CTNNA1: variants seen among roughly 807,000 people sequenced by gnomAD.
CTNNA1 encodes the protein catenin alpha 1.
CTNNA1 carries 37 observed loss-of-function variants against 98.4 expected under a neutral mutation model. That is an observed-to-expected ratio of 0.38 (90% CI 0.29 to 0.49). CTNNA1 has a LOEUF of 0.49. Ranked by LOEUF, CTNNA1 falls within the 20% of genes least tolerant of loss-of-function variation. The pLI is 0.95. For missense variants in CTNNA1, 761 were observed against 1,147.2 expected (o/e 0.66, Z 4.86); for synonymous variants, 404 against 413.2 (o/e 0.98, Z 0.27).
At chr5:138,788,051 T>C (rs771868927) in intron 3 of CTNNA1, among the ~76,000 whole-genome samples, 1 of 152,216 alleles carries the variant, frequency 6.6e-6, no homozygotes, top group African/African-American at 2.4e-5. Flanking sequence ...GGTGTACATA[T>C]GCCTCTTAGA....
intron 12 of CTNNA1, among the ~76,000 whole-genome samples, chr5:138,925,027 G>C (rs1356900014): frequency 6.6e-6 from 1 of 152,208 alleles, no homozygotes; most frequent in Non-Finnish European, 1.5e-5. Flanking sequence ...CTTCAAGTTA[G>C]TCTCACTTCA....
At chr5:138,817,761 C>A (rs927557722) in intron 5 of CTNNA1, among the ~76,000 whole-genome samples, 1 of 152,068 alleles carries the variant, frequency 6.6e-6, no homozygotes, top group Non-Finnish European at 1.5e-5. Context: ...TCTTTAGCTG[C>A]ATGATTTCTG....
chr5:138,806,937 A>G lies in CTNNA1; in HGVS notation c.302-3101A>G, dbSNP rs1311391651. Among the ~76,000 whole-genome samples the G allele has an allele frequency of 3.9e-5, 6 of 151,906 alleles. No homozygotes were observed. The East Asian group carries it at 1.2e-3, about 29-fold the overall frequency. The stretch of plus-strand genomic sequence containing the variant: ...GTTGCATTATTTGTAAGCAAAGGCT[A>G]ATACCACTTACTCTCTAGGTGGGTG... On this transcript the variant is annotated intron_variant, in intron 3 of 17. Transcript: ENST00000302763.
At chr5:138,835,017 C>A (rs1280239041) in intron 7 of CTNNA1, among the ~76,000 whole-genome samples, 2 of 151,796 alleles carry the variant, frequency 1.3e-5, no homozygotes, top group Non-Finnish European at 2.9e-5. Flanking sequence ...TGCAGAGTAC[C>A]TTCTTAAGGG....
intron 9 of CTNNA1, among the ~76,000 whole-genome samples, chr5:138,898,820 C>T (rs890787768): frequency 1.3e-5 from 2 of 152,156 alleles, no homozygotes; most frequent in Non-Finnish European, 2.9e-5. Flanking sequence ...TAGACTTTCT[C>T]AGTTTATCTT....
intron 9 of CTNNA1, among the ~76,000 whole-genome samples, chr5:138,901,356 CTA>C (rs1757991380): frequency 6.6e-6 from 1 of 152,116 alleles, no homozygotes; most frequent in Admixed American, 6.5e-5. Context: ...TGAGGTTTCA[CTA>C]TGTGGCCAGG....
At chr5:138,814,080 C>CCTT (rs1408173682) in intron 5 of CTNNA1, among the ~76,000 whole-genome samples, 1 of 152,034 alleles carries the variant, frequency 6.6e-6, no homozygotes, top group East Asian at 1.9e-4. Flanking sequence ...CTAAGAAGGC[C>CCTT]CTTCTCAGTA....
intron 7 of CTNNA1, among the ~76,000 whole-genome samples, chr5:138,863,223 T>C (rs1764444125): frequency 6.6e-6 from 1 of 151,704 alleles, no homozygotes; most frequent in South Asian, 2.1e-4. Flanking sequence ...GCTTCATCTT[T>C]TTTTATATAT....
intron 1 of CTNNA1, among the ~76,000 whole-genome samples, chr5:138,776,024 C>CCTCTGGAAA (rs891982906): frequency 2.7e-5 from 4 of 147,674 alleles, no homozygotes; most frequent in Non-Finnish European, 5.9e-5. Flanking sequence ...CCATGCCCGG[C>CCTCTGGAAA]CTCTGGAAAT....
chr5:138,855,097 A>G (rs6874181), intron 7 of CTNNA1, among the ~76,000 whole-genome samples: 105,226 of 152,176 alleles, frequency 0.69, 36,533 homozygotes, highest in East Asian at 0.93. Flanking sequence ...GGCGTGCAGT[A>G]GCGCGATCTC....
chr5:138,773,124 A>G (rs973141818), intron 1 of CTNNA1, among the ~76,000 whole-genome samples: 3 of 152,240 alleles, frequency 2.0e-5, no homozygotes, highest in African/African-American at 7.2e-5. Flanking sequence ...AAATCCTTTT[A>G]GGATTGGGAT....
At chr5:138,826,738 A>G (rs1044122998) in intron 6 of CTNNA1, among the ~76,000 whole-genome samples, 2 of 152,352 alleles carry the variant, frequency 1.3e-5, no homozygotes, top group South Asian at 4.1e-4. Context: ...ATGGAAATTC[A>G]TTGTAAATGC....
intron 7 of CTNNA1, chr5:138,875,054 C>T (rs1166007366): frequency 2.7e-6 from 2 of 753,594 alleles, no homozygotes; most frequent in African/African-American, 1.8e-5. Context: ...ATTGAATCCA[C>T]CAGGACGAGT....
chr5:138,800,232 C>A (rs825749), intron 3 of CTNNA1, among the ~76,000 whole-genome samples: 95,840 of 151,998 alleles, frequency 0.63, 31,433 homozygotes, highest in East Asian at 0.89. Context: ...ATAATTTTAT[C>A]TTGTCAACAC....
intron 10 of CTNNA1, among the ~76,000 whole-genome samples, chr5:138,906,106 C>G (rs992112119): frequency 6.7e-6 from 1 of 149,034 alleles, no homozygotes; most frequent in African/African-American, 2.5e-5. Context: ...ATCTGTCATT[C>G]TCATTGCTAC....
At chr5:138,848,407 G>GT (rs900657085) in intron 7 of CTNNA1, among the ~76,000 whole-genome samples, 37 of 151,900 alleles carry the variant, frequency 2.4e-4, no homozygotes, top group African/African-American at 8.5e-4. Context: ...TTGTTTGTTT[G>GT]TTTTTTTAGC....
intron 12 of CTNNA1, 145 bp downstream of exon 12, chr5:138,924,855 G>T (rs1763668153): frequency 2.8e-6 from 2 of 707,136 alleles, no homozygotes; most frequent in Non-Finnish European, 4.8e-6. Flanking sequence ...TGAGAAGCTG[G>T]TCATAGCCAA....
At chr5:138,778,158 T>TG (rs1169897590) in intron 1 of CTNNA1, among the ~76,000 whole-genome samples, 1 of 80,962 alleles carries the variant, frequency 1.2e-5, no homozygotes, top group Non-Finnish European at 2.9e-5. Context: ...CACGCCCGGC[T>TG]AATTTTTTGG....
intron 12 of CTNNA1, 41 bp from the exon 13 acceptor site, chr5:138,925,215 G>T: frequency 1.3e-6 from 2 of 1,598,310 alleles, no homozygotes; most frequent in South Asian, 1.1e-5. Context: ...GAATGATGCT[G>T]CCTGCTGACC....
Sources: allele counts gnomAD v4.1 joint callset (sites outside exome capture counted in the v4.1 genomes callset), GRCh38; gene constraint gnomAD v4.1.1; transcripts MANE v1.5; gene names NCBI Gene and HGNC (gene_info 2026-07-23, HGNC 2026-07-21).